Variants in CCNB1IP1 observed in about 807,000 individuals in gnomAD.
CCNB1IP1 encodes cyclin B1 interacting protein 1.
CCNB1IP1 carries 14 observed loss-of-function variants against 25.6 expected under a neutral mutation model. That is an observed-to-expected ratio of 0.55 (90% CI 0.36 to 0.85). CCNB1IP1 has a LOEUF of 0.85. Ranked by LOEUF, CCNB1IP1 falls within the 40% of genes least tolerant of loss-of-function variation. The pLI is 0.01. For missense variants in CCNB1IP1, 278 were observed against 342.4 expected (o/e 0.81, Z 1.48); for synonymous variants, 119 against 116.1 (o/e 1.02, Z -0.16).
intron 5 of CCNB1IP1, 63 bp downstream of exon 5, chr14:20,316,162 GAC>G: frequency 2.9e-6 from 4 of 1,371,960 alleles, no homozygotes; most frequent in Non-Finnish European, 4.0e-6. Context: ...ATGAAGGAAA[GAC>G]ACTAGAAGTT....
At position 20,328,755 on chromosome 14, in the gene CCNB1IP1, C is replaced by G. The variant is rs1019072541; in HGVS notation, c.-231+419G>C. Among the ~76,000 whole-genome samples, 4 of 152,162 alleles carry G rather than the reference C, an allele frequency of 2.6e-5. No individual in the cohort carries two copies. In the South Asian group the frequency reaches 6.2e-4, roughly 24 times the overall value. ...ATAGCACAAAGCCTGGCACATAAATCCTGATGTTAAATATGTGATACCTTT... is the reference window on the plus strand; with the variant it reads ...ATAGCACAAAGCCTGGCACATAAATGCTGATGTTAAATATGTGATACCTTT... On this transcript the variant is annotated intron_variant, in intron 2 of 6. Transcript: ENST00000358932.
intron 3 of CCNB1IP1, 49 bp downstream of exon 3, chr14:20,326,667 A>G: frequency 3.1e-6 from 1 of 324,710 alleles, no homozygotes; most frequent in Middle Eastern, 4.0e-4. Flanking sequence ...TTGCTAAGTG[A>G]TTAGAAATCC....
At chr14:20,314,840 C>G (rs367880357) in intron 5 of CCNB1IP1, among the ~76,000 whole-genome samples, 1 of 151,688 alleles carries the variant, frequency 6.6e-6, no homozygotes, top group East Asian at 1.9e-4. Context: ...GCCTGTAATC[C>G]CAGCACTTTG....
chr14:20,311,713 C>T lies in CCNB1IP1; in HGVS notation c.671G>A (p.Arg224Gln), dbSNP rs1882489219. Reference sequence around the variant, plus strand: ...ATCTCCATCTCCATCGCCCCGATTTCGAACAGGTGTATTATCCAAAGGAAA... The same window carrying T: ...ATCTCCATCTCCATCGCCCCGATTTTGAACAGGTGTATTATCCAAAGGAAA... ...SKFPLDNTPV[R>Q]NRGDGDGDFQ... The change falls in exon 7 of 7, where the codon CGA becomes CAA. Residue 224 changes from arginine (R) to glutamine (Q), a missense_variant. Transcript: ENST00000358932. 1.9e-6 allele frequency: 3 copies of T among 1,613,884 alleles called. No homozygotes were observed. Among genetic ancestry groups the T allele is most frequent in the African/African-American group, 1.3e-5 (1 of 74,956 alleles).
At chr14:20,313,414 G>T in intron 6 of CCNB1IP1, 54 bp downstream of exon 6, 1 of 1,364,596 alleles carries the variant, frequency 7.3e-7, no homozygotes, top group Non-Finnish European at 1.0e-6. Flanking sequence ...GGGCAGAGCA[G>T]TATAAAAAAT....
At position 20,320,621 on chromosome 14, in the gene CCNB1IP1, T is replaced by A. The variant is rs557711155; in HGVS notation, c.-37-4061A>T. Among the ~76,000 whole-genome samples the A allele has an allele frequency of 2.0e-5, 3 of 151,796 alleles. No individual in the cohort carries two copies. The East Asian group carries it at 5.8e-4, about 29-fold the overall frequency. On this transcript the variant is annotated intron_variant, in intron 4 of 6. Transcript: ENST00000358932. Reference sequence around the variant, plus strand: ...GAGTTTGAGTCCAGCCTGGCCAACATGATCAAACCCCATCTCTACAAAAAA... The same window carrying A: ...GAGTTTGAGTCCAGCCTGGCCAACAAGATCAAACCCCATCTCTACAAAAAA...
intron 2 of CCNB1IP1, among the ~76,000 whole-genome samples, chr14:20,327,070 C>T (rs569709866): frequency 2.0e-5 from 3 of 151,876 alleles, no homozygotes; most frequent in African/African-American, 7.2e-5. Context: ...AGTAAGACCC[C>T]GTCTCGAACA....
At chr14:20,319,999 C>T (rs1390781362) in intron 4 of CCNB1IP1, among the ~76,000 whole-genome samples, 1 of 152,174 alleles carries the variant, frequency 6.6e-6, no homozygotes, top group Non-Finnish European at 1.5e-5. Flanking sequence ...TTTCATTACT[C>T]GTAAGAGTGA....
chr14:20,331,694 C>A (rs1056429407), intron 1 of CCNB1IP1, among the ~76,000 whole-genome samples: 1 of 151,568 alleles, frequency 6.6e-6, no homozygotes, highest in Non-Finnish European at 1.5e-5. Flanking sequence ...ACCCTGAAAA[C>A]CTACTGAAAA....
intron 4 of CCNB1IP1, among the ~76,000 whole-genome samples, chr14:20,320,938 G>C (rs1226733626): frequency 2.6e-5 from 4 of 151,812 alleles, no homozygotes. Flanking sequence ...GGGAGTTCGA[G>C]ACCAGCCTGA....
intron 5 of CCNB1IP1, among the ~76,000 whole-genome samples, chr14:20,315,136 CAAAAAAAAA>C (rs1159450735): frequency 9.9e-4 from 9 of 9,070 alleles, no homozygotes; most frequent in African/African-American, 2.1e-3. Flanking sequence ...TACACCTCAC[CAAAAAAAAA>C]AAAAAAAAAA....
At chr14:20,323,729 C>G (rs972157221) in intron 4 of CCNB1IP1, among the ~76,000 whole-genome samples, 15 of 151,504 alleles carry the variant, frequency 9.9e-5, no homozygotes, top group African/African-American at 3.6e-4. Context: ...AAGATCGAGA[C>G]CACGGTGAAA....
At position 20,316,438 on chromosome 14, in the gene CCNB1IP1, G is replaced by A. The variant is rs1180603047; in HGVS notation, c.86C>T (p.Ser29Phe). The A allele has an allele frequency of 9.9e-6, 16 of 1,613,844 alleles. No individual in the cohort carries two copies. Among genetic ancestry groups the A allele is most frequent in the Non-Finnish European group, 1.4e-5 (16 of 1,179,978 alleles). The change falls in exon 5 of 7, where the codon TCT (serine) becomes TTT (phenylalanine). Residue 29 changes from serine (S) to phenylalanine (F), a missense_variant. By Grantham distance (155) the Ser-to-Phe change is radical. Transcript: ENST00000358932. ...GCCATGCTGATCACAGAAGATGTGA[G>A]AGCAGGCAGTGACCCATGCATAGCC... ...LSGYAWVTAC[S>F]HIFCDQHGSG...
In CCNB1IP1 at chr14:20,313,715, T is replaced by G. The variant is rs60821707; in HGVS notation, c.384A>C (p.Gln128His). 1 of 1,614,108 alleles carries G rather than the reference T, an allele frequency of 6.2e-7. No homozygotes were observed. Among genetic ancestry groups the G allele is most frequent in the African/African-American group, 1.3e-5 (1 of 75,062 alleles). ...LKQMEKIYTQ[Q>H]IQSKDVELTS... is the part of the protein sequence containing the mutation. Reference sequence around the variant, plus strand: ...TCAATTCTACATCCTTGCTTTGTATTTGCTGAGTATATATCTTCTCCATCT... The same window carrying G: ...TCAATTCTACATCCTTGCTTTGTATGTGCTGAGTATATATCTTCTCCATCT... The change falls in exon 6 of 7, where the codon CAA (glutamine) becomes CAC (histidine). Residue 128 changes from glutamine (Q) to histidine (H), a missense_variant. Physicochemically the swap from Gln to His is conservative, Grantham distance 24. Coordinates refer to ENST00000358932, the MANE Select transcript of CCNB1IP1 (RefSeq NM_021178.5).
At chr14:20,313,160 G>A (rs963368959) in intron 6 of CCNB1IP1, among the ~76,000 whole-genome samples, 1 of 152,122 alleles carries the variant, frequency 6.6e-6, no homozygotes, top group Non-Finnish European at 1.5e-5. Context: ...TAGCACTTAG[G>A]AATCAATAAA....
At chr14:20,319,688 TAAA>T (rs1454289936) in intron 4 of CCNB1IP1, among the ~76,000 whole-genome samples, 3 of 152,210 alleles carry the variant, frequency 2.0e-5, no homozygotes. Flanking sequence ...TTTTTACAAT[TAAA>T]AACAATACTG....
At chr14:20,321,374 G>GT (rs1390715052) in intron 4 of CCNB1IP1, among the ~76,000 whole-genome samples, 1 of 152,092 alleles carries the variant, frequency 6.6e-6, no homozygotes, top group Admixed American at 6.5e-5. Context: ...TTGTAAAATG[G>GT]TTTAACTCAG....
In CCNB1IP1 at chr14:20,316,565, G is replaced by A. The variant is rs527561589; in HGVS notation, c.-37-5C>T. 16 of 1,541,222 alleles carry A rather than the reference G, an allele frequency of 1.0e-5. No homozygotes were observed. The highest frequency in any genetic ancestry group is 3.5e-5 in the Admixed American group (2 of 56,860). ...CTCCAGAAGCTGAAGAGAGGCCTAAGAAGGGGTAAATAAAAAGGCCAAGTA... is the reference window on the plus strand; with the variant it reads ...CTCCAGAAGCTGAAGAGAGGCCTAAAAAGGGGTAAATAAAAAGGCCAAGTA... On this transcript the variant is annotated splice_region_variant and splice_polypyrimidine_tract_variant and intron_variant, in intron 4 of 6. Coordinates refer to ENST00000358932, the MANE Select transcript of CCNB1IP1 (RefSeq NM_021178.5).
intron 1 of CCNB1IP1, among the ~76,000 whole-genome samples, chr14:20,331,669 C>A (rs1037501514): frequency 1.1e-4 from 16 of 152,030 alleles, no homozygotes; most frequent in African/African-American, 3.6e-4. Flanking sequence ...AATTAGAATA[C>A]TGAGTTACCA....
Sources: allele counts gnomAD v4.1 joint callset (sites outside exome capture counted in the v4.1 genomes callset), GRCh38; gene constraint gnomAD v4.1.1; transcripts MANE v1.5; gene names NCBI Gene and HGNC (gene_info 2026-07-23, HGNC 2026-07-21).